HS6ST3: variants seen among roughly 807,000 people sequenced by gnomAD.
The protein encoded by HS6ST3 is heparan sulfate 6-O-sulfotransferase 3, also known as heparan-sulfate 6-O-sulfotransferase 3.
HS6ST3 carries 12 observed loss-of-function variants against 36.7 expected under a neutral mutation model. That is an observed-to-expected ratio of 0.33 (90% confidence interval 0.21 to 0.53). HS6ST3 has a LOEUF of 0.53. Among genes scored for constraint, HS6ST3 ranks in the 20% least tolerant of loss-of-function variants. The pLI is 0.95. For synonymous variants in HS6ST3, 240 were observed against 257.5 expected, an observed-to-expected ratio of 0.93 and a Z score of 0.65; for missense variants, 584 against 640.9, an observed-to-expected ratio of 0.91 and a Z score of 0.96.
At chr13:96,763,476 G>T (rs1877018346) in intron 1 of HS6ST3, among the ~76,000 whole-genome samples, 1 of 150,538 alleles carries the variant, frequency 6.6e-6, no homozygotes, top group Non-Finnish European at 1.5e-5. Context: ...GGGCAACAGA[G>T]TAAGACTCTG....
chr13:96,111,953 C>T (rs1207726239), intron 1 of HS6ST3, among the ~76,000 whole-genome samples: 2 of 151,870 alleles, frequency 1.3e-5, no homozygotes, highest in Admixed American at 6.6e-5. Context: ...CCTTTTTTGA[C>T]AAAATCATTC....
At chr13:96,317,731 T>TG (rs948699218) in intron 1 of HS6ST3, among the ~76,000 whole-genome samples, 4 of 151,692 alleles carry the variant, frequency 2.6e-5, no homozygotes, top group African/African-American at 9.7e-5. Context: ...TCTGTTTTTT[T>TG]TTTTTACTTT....
At chr13:96,440,447 A>G (rs2055664762) in intron 1 of HS6ST3, among the ~76,000 whole-genome samples, 1 of 147,916 alleles carries the variant, frequency 6.8e-6, no homozygotes, top group African/African-American at 2.5e-5. Flanking sequence ...TTCTGTGAAA[A>G]AAGAAAAGAA....
chr13:96,376,872 T>C (rs1156680183), intron 1 of HS6ST3, among the ~76,000 whole-genome samples: 1 of 151,942 alleles, frequency 6.6e-6, no homozygotes, highest in African/African-American at 2.4e-5. Context: ...TCCCAGCACT[T>C]TGGGAGGCTG....
intron 1 of HS6ST3, among the ~76,000 whole-genome samples, chr13:96,134,337 T>C (rs1044788947): frequency 1.3e-5 from 2 of 152,104 alleles, no homozygotes; most frequent in African/African-American, 4.8e-5. Flanking sequence ...ATACTTTATA[T>C]GGTAATTTTT....
intron 1 of HS6ST3, among the ~76,000 whole-genome samples, chr13:96,773,266 A>G (rs1018284583): frequency 1.3e-5 from 2 of 152,154 alleles, no homozygotes; most frequent in African/African-American, 4.8e-5. Context: ...AGCTAGCTGC[A>G]GGAGTTTATT....
chr13:96,284,273 A>G (rs976621298), intron 1 of HS6ST3, among the ~76,000 whole-genome samples: 3 of 152,140 alleles, frequency 2.0e-5, no homozygotes, highest in African/African-American at 7.2e-5. Flanking sequence ...GACTCACACA[A>G]TCACAGGTGA....
chr13:96,733,512 A>G (rs923803480), intron 1 of HS6ST3, among the ~76,000 whole-genome samples: 11 of 152,196 alleles, frequency 7.2e-5, no homozygotes, highest in African/African-American at 1.9e-4. Context: ...TTCTTTTGAT[A>G]GTTTATATGC....
chr13:96,437,954 G>A (rs887909657), intron 1 of HS6ST3, among the ~76,000 whole-genome samples: 1 of 152,126 alleles, frequency 6.6e-6, no homozygotes, highest in African/African-American at 2.4e-5. Context: ...ACAGTCAGAG[G>A]CACAGACAAA....
chr13:96,835,226 G>A lies in HS6ST3; in HGVS notation c.*2028G>A, dbSNP rs1878896110. The A allele has an allele frequency of 6.6e-6, 1 of 152,208 alleles. No individual in the cohort carries two copies. The highest frequency in any genetic ancestry group is 6.5e-5 in the Admixed American group (1 of 15,288). The allele number at this position is 152,208 out of a possible 1,614,324, so 9.4% of individuals were successfully genotyped here. A position where few individuals can be genotyped will look rare whatever the true frequency, so the allele number is the denominator to read the frequency against. ...CATTTGTCTCTAACCCATGTGGGTA[G>A]CCCGACCATGACAGCACCACGCTAA... On this transcript the variant is annotated 3_prime_UTR_variant, in exon 2 of 2. Coordinates refer to ENST00000376705, the MANE Select transcript of HS6ST3 (RefSeq NM_153456.4).
chr13:96,119,631 A>C (rs1386471030), intron 1 of HS6ST3, among the ~76,000 whole-genome samples: 1 of 152,172 alleles, frequency 6.6e-6, no homozygotes, highest in Non-Finnish European at 1.5e-5. Flanking sequence ...TGAAATTTGC[A>C]TCGGATCTAT....
At chr13:96,332,092 A>G (rs1381064235) in intron 1 of HS6ST3, among the ~76,000 whole-genome samples, 1 of 152,108 alleles carries the variant, frequency 6.6e-6, no homozygotes, top group Non-Finnish European at 1.5e-5. Flanking sequence ...GGCACTCCCT[A>G]GTGAGATGAA....
intron 1 of HS6ST3, among the ~76,000 whole-genome samples, chr13:96,725,262 G>A (rs1015891671): frequency 2.0e-5 from 3 of 152,004 alleles, no homozygotes; most frequent in African/African-American, 7.3e-5. Flanking sequence ...ACATATTTTA[G>A]ACACAAATCT....
intron 1 of HS6ST3, among the ~76,000 whole-genome samples, chr13:96,461,331 TAAG>T (rs2055783257): frequency 6.6e-6 from 1 of 152,188 alleles, no homozygotes; most frequent in South Asian, 2.1e-4. Flanking sequence ...TAATGTATTA[TAAG>T]AAGAACAACA....
chr13:96,691,280 A>G (rs1874950011), intron 1 of HS6ST3, among the ~76,000 whole-genome samples: 1 of 152,190 alleles, frequency 6.6e-6, no homozygotes, highest in African/African-American at 2.4e-5. Context: ...AGGGATTTAA[A>G]CTGGGATGTT....
At chr13:96,828,254 A>G (rs1346504820) in intron 1 of HS6ST3, among the ~76,000 whole-genome samples, 4 of 152,230 alleles carry the variant, frequency 2.6e-5, no homozygotes, top group Non-Finnish European at 1.5e-5. Context: ...CACATTTCAA[A>G]ACTGCCTGGC....
At chr13:96,488,202 T>C (rs951695691) in intron 1 of HS6ST3, among the ~76,000 whole-genome samples, 1 of 152,116 alleles carries the variant, frequency 6.6e-6, no homozygotes, top group Admixed American at 6.6e-5. Context: ...GCTTCTTCTC[T>C]CCTGTATAAC....
intron 1 of HS6ST3, among the ~76,000 whole-genome samples, chr13:96,516,800 T>C (rs1360752374): frequency 7.9e-5 from 12 of 151,952 alleles, no homozygotes; most frequent in Non-Finnish European, 1.3e-4. Context: ...CAATGTAGTA[T>C]AACAAACGAC....
chr13:96,419,459 G>A (rs968796187), intron 1 of HS6ST3, among the ~76,000 whole-genome samples: 3 of 152,172 alleles, frequency 2.0e-5, no homozygotes, highest in Non-Finnish European at 4.4e-5. Context: ...GGTCTGTTTG[G>A]CATGATGTTT....
Sources: allele counts gnomAD v4.1 joint callset (sites outside exome capture counted in the v4.1 genomes callset), GRCh38; gene constraint gnomAD v4.1.1; transcripts MANE v1.5; gene names NCBI Gene and HGNC (gene_info 2026-07-23, HGNC 2026-07-21).